ADAMTS3: variants seen among roughly 807,000 people sequenced by gnomAD.
The protein encoded by ADAMTS3 is ADAM metallopeptidase with thrombospondin type 1 motif 3.
Under a neutral mutation model 129.0 loss-of-function variants are expected in ADAMTS3, and 73 were observed. That is an observed-to-expected ratio of 0.57 (90% confidence interval 0.47 to 0.69). ADAMTS3 has a LOEUF of 0.69. Among genes scored for constraint, ADAMTS3 ranks in the 30% least tolerant of loss-of-function variants. ADAMTS3 has a pLI of 0.00. For synonymous variants in ADAMTS3, 477 were observed against 510.8 expected (o/e 0.93, Z 0.89); for missense variants, 1,457 against 1,514.5 (o/e 0.96, Z 0.63).
intron 3 of ADAMTS3, among the ~76,000 whole-genome samples, chr4:72,503,160 T>C (rs2110026087): frequency 6.6e-6 from 1 of 151,972 alleles, no homozygotes; most frequent in East Asian, 1.9e-4. Context: ...GTAGCTGGGA[T>C]TACAGGTGCC....
chr4:72,361,348 T>C (rs1036634128), intron 4 of ADAMTS3, among the ~76,000 whole-genome samples: 2 of 152,116 alleles, frequency 1.3e-5, no homozygotes, highest in African/African-American at 4.8e-5. Context: ...TAAACACACA[T>C]ACTCATAATA....
At chr4:72,519,570 C>T (rs1351060719) in intron 3 of ADAMTS3, among the ~76,000 whole-genome samples, 12 of 152,252 alleles carry the variant, frequency 7.9e-5, no homozygotes, top group East Asian at 5.8e-4. Flanking sequence ...CTTCCCTTCT[C>T]GCTTCATTTG....
chr4:72,444,172 C>T (rs2109963267), intron 3 of ADAMTS3, among the ~76,000 whole-genome samples: 1 of 151,766 alleles, frequency 6.6e-6, no homozygotes, highest in African/African-American at 2.4e-5. Flanking sequence ...AAAATACAAA[C>T]ATAAAAATGC....
intron 4 of ADAMTS3, among the ~76,000 whole-genome samples, chr4:72,403,022 C>T (rs75070646): frequency 2.8e-3 from 419 of 152,216 alleles, no homozygotes; most frequent in African/African-American, 9.6e-3. Context: ...TTCTCATCCT[C>T]ATTTGTTTAT....
At chr4:72,504,095 T>C (rs1000374726) in intron 3 of ADAMTS3, among the ~76,000 whole-genome samples, 1 of 152,144 alleles carries the variant, frequency 6.6e-6, no homozygotes, top group African/African-American at 2.4e-5. Context: ...ACATTTACAT[T>C]TTAATATTGA....
chr4:72,538,903 T>C (rs1318630524), intron 3 of ADAMTS3, among the ~76,000 whole-genome samples: 1 of 152,222 alleles, frequency 6.6e-6, no homozygotes. Flanking sequence ...GCCAAGACCA[T>C]TCAATTGAGA....
intron 2 of ADAMTS3, among the ~76,000 whole-genome samples, chr4:72,551,955 G>A (rs1721656756): frequency 6.6e-6 from 1 of 152,132 alleles, no homozygotes; most frequent in Non-Finnish European, 1.5e-5. Context: ...TTTTCCTCTA[G>A]TGTAGCATCA....
intron 4 of ADAMTS3, among the ~76,000 whole-genome samples, chr4:72,341,936 A>G (rs1578597823): frequency 1.3e-5 from 2 of 152,196 alleles, no homozygotes; most frequent in East Asian, 3.8e-4. Flanking sequence ...TCAAAGAAAG[A>G]CAGTAGGATA....
At chr4:72,461,148 G>A (rs1258099123) in intron 3 of ADAMTS3, among the ~76,000 whole-genome samples, 1 of 151,488 alleles carries the variant, frequency 6.6e-6, no homozygotes, top group Non-Finnish European at 1.5e-5. Context: ...TCAACTCGAT[G>A]AACTATGAAA....
chr4:72,284,948 C>T (rs183524028), intron 21 of ADAMTS3, among the ~76,000 whole-genome samples: 1 of 152,166 alleles, frequency 6.6e-6, no homozygotes, highest in African/African-American at 2.4e-5. Flanking sequence ...GAGTAGCATC[C>T]CTGCATATGT....
chr4:72,399,058 G>A (rs1221343100), intron 4 of ADAMTS3, among the ~76,000 whole-genome samples: 1 of 152,100 alleles, frequency 6.6e-6, no homozygotes, highest in African/African-American at 2.4e-5. Flanking sequence ...AAAAATTTTA[G>A]TTGAGAGCTT....
intron 4 of ADAMTS3, among the ~76,000 whole-genome samples, chr4:72,373,395 C>A (rs1721060819): frequency 1.3e-5 from 2 of 152,020 alleles, no homozygotes; most frequent in Non-Finnish European, 2.9e-5. Context: ...AGTCCATTAA[C>A]AATAAAATGA....
intron 5 of ADAMTS3, among the ~76,000 whole-genome samples, chr4:72,336,222 T>A (rs1186459602): frequency 6.6e-6 from 1 of 152,200 alleles, no homozygotes; most frequent in African/African-American, 2.4e-5. Flanking sequence ...TTCACACTAA[T>A]CAATGCAAAA....
At position 72,298,332 on chromosome 4, in the gene ADAMTS3, A is replaced by T; in HGVS notation, c.2535T>A (p.Asp845Glu). 1 of 1,613,246 alleles carries T rather than the reference A, an allele frequency of 6.2e-7. No individual in the cohort carries two copies. Among genetic ancestry groups the T allele is most frequent in the Non-Finnish European group, 8.5e-7 (1 of 1,179,402 alleles). Residue 845 changes from aspartate to glutamate, a missense_variant, in exon 18 of 22, where the codon GAT (aspartate) becomes GAA (glutamate). Physicochemically the swap from Asp to Glu is conservative, Grantham distance 45. Transcript: ENST00000286657. ...AGCTCTTCAAAGCCCACTCAAAAGT[A>T]TCTAATTCTTCCTGGATGACATTGT... ...NSNNVIQEEL[D>E]TFEWALKSWS...
At chr4:72,348,904 T>A (rs896164442) in intron 4 of ADAMTS3, among the ~76,000 whole-genome samples, 1 of 151,916 alleles carries the variant, frequency 6.6e-6, no homozygotes, top group South Asian at 2.1e-4. Flanking sequence ...AATGGACTAT[T>A]TCCCAGATCC....
At chr4:72,341,987 A>G (rs1720149599) in intron 4 of ADAMTS3, among the ~76,000 whole-genome samples, 1 of 152,170 alleles carries the variant, frequency 6.6e-6, no homozygotes, top group African/African-American at 2.4e-5. Context: ...TTATAATTAC[A>G]GACTGCTCTG....
At chr4:72,465,039 T>C (rs1216962590) in intron 3 of ADAMTS3, among the ~76,000 whole-genome samples, 2 of 152,036 alleles carry the variant, frequency 1.3e-5, no homozygotes, top group African/African-American at 2.4e-5. Context: ...CCTCATGAAG[T>C]TGATAATCCA....
intron 3 of ADAMTS3, among the ~76,000 whole-genome samples, chr4:72,507,132 T>A (rs1318846678): frequency 6.6e-6 from 1 of 152,210 alleles, no homozygotes; most frequent in Non-Finnish European, 1.5e-5. Context: ...TATAAGTGTG[T>A]ATAAATATAG....
intron 2 of ADAMTS3, among the ~76,000 whole-genome samples, chr4:72,559,278 G>A (rs920534149): frequency 6.6e-6 from 1 of 151,750 alleles, no homozygotes. Flanking sequence ...AAACTGGAAT[G>A]AAGGGAATTC....
Sources: gnomAD v4.1 joint callset for allele counts (sites outside exome capture counted in the v4.1 genomes callset) on GRCh38, gnomAD v4.1.1 for gene constraint, MANE v1.5 for transcripts, NCBI Gene and HGNC (gene_info 2026-07-23, HGNC 2026-07-21) for gene names.